Variants in SIRT1 observed in about 807,000 individuals in gnomAD.
SIRT1 encodes the protein sirtuin 1.
In SIRT1, 24 loss-of-function variants were observed where a neutral mutation model predicts 67.9. That is an observed-to-expected ratio of 0.35 (90% CI 0.26 to 0.50). The LOEUF (loss-of-function observed/expected upper bound fraction) is 0.50. Among genes scored for constraint, SIRT1 ranks in the 20% least tolerant of loss-of-function variants. SIRT1 has a pLI of 0.98. For synonymous variants in SIRT1, 378 were observed against 350.7 expected (o/e 1.08, Z -0.87); for missense variants, 873 against 937.2 (o/e 0.93, Z 0.89).
chr10:67,907,505 AAAAG>A (rs1842838651), intron 5 of SIRT1, among the ~76,000 whole-genome samples: 1 of 148,338 alleles, frequency 6.7e-6, no homozygotes, highest in Non-Finnish European at 1.5e-5. Flanking sequence ...AAAAAAAAAA[AAAAG>A]AAAAAGAAAT....
At chr10:67,894,065 C>T (rs1271804668) in intron 4 of SIRT1, among the ~76,000 whole-genome samples, 4 of 152,142 alleles carry the variant, frequency 2.6e-5, no homozygotes, top group Admixed American at 1.3e-4. Flanking sequence ...TCTTGAACTC[C>T]GGAGTTTGAG....
chr10:67,900,572 G>A (rs1455121140), intron 4 of SIRT1, among the ~76,000 whole-genome samples: 1 of 152,132 alleles, frequency 6.6e-6, no homozygotes, highest in Non-Finnish European at 1.5e-5. Context: ...AGCCTCCCAA[G>A]TAGCTAGTAC....
At chr10:67,888,260 A>G (rs987108190) in intron 2 of SIRT1, among the ~76,000 whole-genome samples, 6 of 152,190 alleles carry the variant, frequency 3.9e-5, no homozygotes, top group Non-Finnish European at 7.4e-5. Context: ...TGGCTTGATT[A>G]TTTAAACATA....
chr10:67,890,735 G>GA (rs1159445613), intron 3 of SIRT1, among the ~76,000 whole-genome samples: 5 of 148,710 alleles, frequency 3.4e-5, no homozygotes, highest in African/African-American at 7.4e-5. Flanking sequence ...TGTCTAAAAA[G>GA]AAAAAAAACA....
intron 4 of SIRT1, among the ~76,000 whole-genome samples, chr10:67,893,514 A>C (rs1268812768): frequency 1.3e-5 from 2 of 150,874 alleles, no homozygotes; most frequent in Non-Finnish European, 2.9e-5. Context: ...GGACTTCTTT[A>C]ATGAATCCAG....
intron 5 of SIRT1, among the ~76,000 whole-genome samples, chr10:67,907,649 A>G (rs1270124222): frequency 6.6e-6 from 1 of 152,176 alleles, no homozygotes; most frequent in Non-Finnish European, 1.5e-5. Flanking sequence ...AAGTATCAAC[A>G]GGCCATTAGG....
In SIRT1 at chr10:67,884,758, G is replaced by T. The variant is rs200005116; in HGVS notation, c.37G>T (p.Gly13Cys). 2.0e-5 allele frequency: 25 copies of T among 1,228,670 alleles called. No homozygotes were observed. The highest frequency in any genetic ancestry group is 2.4e-5 in the Non-Finnish European group (24 of 985,998). The allele number at this position is 1,228,670 out of a possible 1,614,324, so 76.1% of individuals were successfully genotyped here. Residue 13 changes from glycine (G) to cysteine (C), a missense_variant, in exon 1 of 9, where the codon GGC becomes TGC. Gly to Cys is a radical substitution (Grantham distance 159). Around this residue, in one of 3 missense-constraint regions of SIRT1, gnomAD observed 327 missense variants for 283.9 expected, o/e 1.15. Coordinates refer to ENST00000212015, the MANE Select transcript of SIRT1 (RefSeq NM_012238.5). Reference protein sequence around the residue: ...DEAALALQPGGSPSAAGADRE... With the variant: ...DEAALALQPGCSPSAAGADRE... ...GGCGGCCCTCGCCCTTCAGCCCGGC[G>T]GCTCCCCCTCGGCGGCGGGGGCCGA...
At chr10:67,896,556 G>A (rs1347846821) in intron 4 of SIRT1, among the ~76,000 whole-genome samples, 2 of 152,022 alleles carry the variant, frequency 1.3e-5, no homozygotes, top group African/African-American at 2.4e-5. Flanking sequence ...AGCACTTTGG[G>A]AGGCTGAGGT....
At chr10:67,908,360 GAACATAA>G (rs999350566) in intron 6 of SIRT1, among the ~76,000 whole-genome samples, 2 of 152,132 alleles carry the variant, frequency 1.3e-5, no homozygotes, top group Non-Finnish European at 2.9e-5. Context: ...TATCTAAGCC[GAACATAA>G]AATGTCAGAT....
chr10:67,906,637 G>T (rs975957915), intron 4 of SIRT1, among the ~76,000 whole-genome samples, 153 bp from the exon 5 acceptor site: 3 of 152,102 alleles, frequency 2.0e-5, no homozygotes, highest in African/African-American at 4.8e-5. Context: ...CCTTTTGTAG[G>T]TGTGTGTCGC....
chr10:67,917,297 A>G lies in SIRT1; in HGVS notation c.*704A>G, dbSNP rs1023567458. On this transcript the variant is annotated 3_prime_UTR_variant, in exon 9 of 9. Coordinates refer to ENST00000212015, the MANE Select transcript of SIRT1 (RefSeq NM_012238.5). Reference sequence around the variant, plus strand: ...GATGGCTTTTGTACTTCCTGTGGACATGTAGCAATGTCTATATTGGCTCAT... The same window carrying G: ...GATGGCTTTTGTACTTCCTGTGGACGTGTAGCAATGTCTATATTGGCTCAT... 1.3e-5 allele frequency: 2 copies of G among 152,638 alleles called. No individual in the cohort carries two copies. Among genetic ancestry groups the G allele is most frequent in the Non-Finnish European group, 2.9e-5 (2 of 68,030 alleles). 9.5% of individuals were successfully genotyped at this position (152,638 alleles called of 1,614,324 possible).
At position 67,888,867 on chromosome 10, in the gene SIRT1, T is replaced by C. The variant is rs1842526906; in HGVS notation, c.548-15T>C. The C allele has an allele frequency of 4.4e-6, 7 of 1,580,168 alleles. No individual in the cohort carries two copies. Among genetic ancestry groups the C allele is most frequent in the South Asian group, 1.2e-5 (1 of 86,800 alleles). On this transcript the variant is annotated splice_polypyrimidine_tract_variant and intron_variant, in intron 2 of 8. Transcript: ENST00000212015. ...CTTGATAAGTTGACTTTAAGCCTTT[T>C]CCCCCTTATTGTAGGTCCATATACT...
intron 1 of SIRT1, chr10:67,885,377 C>G (rs908075407): frequency 4.2e-5 from 52 of 1,231,256 alleles, no homozygotes; most frequent in Non-Finnish European, 5.3e-5. Context: ...CCTGGGCGGC[C>G]TTGTTCTTTC....
chr10:67,885,053 C>T lies in SIRT1; in HGVS notation c.332C>T (p.Ser111Phe), dbSNP rs1282830986. 5.6e-6 allele frequency: 8 copies of T among 1,430,650 alleles called. No homozygotes were observed. Among genetic ancestry groups the T allele is most frequent in the East Asian group, 3.0e-5 (1 of 32,886 alleles). The allele number at this position is 1,430,650 out of a possible 1,614,324, so 88.6% of individuals were successfully genotyped here. ...AATGGGCCGGGCCTGCAGGGCCCAT[C>T]TCGGGAGCCACCGCTGGCCGACAAC... Reference protein sequence around the residue: ...GDNGPGLQGPSREPPLADNLY... With the variant: ...GDNGPGLQGPFREPPLADNLY... Residue 111 changes from serine to phenylalanine, a missense_variant, in exon 1 of 9, where the codon TCT (serine) becomes TTT (phenylalanine). By Grantham distance (155) the Ser-to-Phe change is radical. This residue lies in a region of SIRT1 where 327 missense variants were observed against 283.9 expected (regional missense o/e 1.15). Transcript: ENST00000212015.
chr10:67,887,157 C>T (rs1434491524), intron 1 of SIRT1, among the ~76,000 whole-genome samples: 1 of 152,186 alleles, frequency 6.6e-6, no homozygotes, highest in Admixed American at 6.5e-5. Context: ...GAGGCGTGAG[C>T]CACCGCTCCC....
At chr10:67,907,081 G>C (rs1842830417) in intron 5 of SIRT1, 144 bp downstream of exon 5, 5 of 714,128 alleles carry the variant, frequency 7.0e-6, no homozygotes, top group Non-Finnish European at 1.0e-5. Flanking sequence ...CAGAAAAGTA[G>C]AAAACAAAAA....
chr10:67,892,598 C>CTT (rs60883216), intron 4 of SIRT1, among the ~76,000 whole-genome samples: 11 of 145,858 alleles, frequency 7.5e-5, no homozygotes, highest in African/African-American at 2.3e-4. Flanking sequence ...TTGAAGTTTA[C>CTT]TTTTTTTTTT....
rs140030776 is a variant in SIRT1, at chr10:67,916,433, T to C, written c.2084T>C (p.Ile695Thr). The C allele has an allele frequency of 2.0e-5, 33 of 1,614,132 alleles. No individual in the cohort carries two copies. The African/African-American group carries it at 4.1e-4, about 20-fold the overall frequency. ...LEEPMEDESE[I>T]EEFYNGLEDE... Reference sequence around the variant, plus strand: ...GAACCCATGGAGGATGAAAGTGAAATTGAAGAATTCTACAATGGCTTAGAA... The same window carrying C: ...GAACCCATGGAGGATGAAAGTGAAACTGAAGAATTCTACAATGGCTTAGAA... The change falls in exon 9 of 9, where the codon ATT becomes ACT. Residue 695 changes from isoleucine to threonine, a missense_variant. By Grantham distance (89) the Ile-to-Thr change is moderately conservative. Around this residue, in one of 3 missense-constraint regions of SIRT1, gnomAD observed 295 missense variants for 294.5 expected, o/e 1.00. Coordinates refer to ENST00000212015, the MANE Select transcript of SIRT1 (RefSeq NM_012238.5).
intron 4 of SIRT1, among the ~76,000 whole-genome samples, chr10:67,891,906 A>G (rs1190915886): frequency 6.6e-6 from 1 of 152,252 alleles, no homozygotes. Context: ...AGGTTATAAC[A>G]TCACTTTGGT....
Sources: gnomAD v4.1 joint callset for allele counts (sites outside exome capture counted in the v4.1 genomes callset) on GRCh38, gnomAD v4.1.1 for gene constraint, gnomAD v4.1.1 regional missense constraint, MANE v1.5 for transcripts, NCBI Gene and HGNC (gene_info 2026-07-23, HGNC 2026-07-21) for gene names.